Variants in GALNT6 observed in about 807,000 individuals in gnomAD.
GALNT6 encodes the protein polypeptide N-acetylgalactosaminyltransferase 6.
GALNT6 carries 51 observed loss-of-function variants against 65.9 expected under a neutral mutation model. The ratio of observed to expected loss-of-function variants is 0.77; its 90% CI spans 0.62 to 0.98. The LOEUF (loss-of-function observed/expected upper bound fraction) is 0.98, where lower values mean the gene tolerates loss of function less well. GALNT6 is among the 50% of genes least tolerant of loss of function. The pLI, the probability that GALNT6 is intolerant of heterozygous loss-of-function variation, is 0.00. For missense variants in GALNT6, 708 were observed against 803.3 expected (o/e 0.88, Z 1.43); for synonymous variants, 323 against 315.1 (o/e 1.02, Z -0.26).
chr12:51,359,436 G>T, intron 7 of GALNT6, 104 bp from the exon 8 acceptor site: 1 of 757,142 alleles, frequency 1.3e-6, no homozygotes, highest in Admixed American at 2.5e-5. Context: ...CCAGGTCCAA[G>T]GACTTGGGCA....
At position 51,360,818 on chromosome 12, in the gene GALNT6, C is replaced by A; in HGVS notation, c.1070G>T (p.Gly357Val). ...YPIKSPTFAG[G>V]LFSISKSYFE... ...GTAGGACTTGGAGATGGAGAAGAGG[C>A]CACCAGCAAACGTCGGGGATCTGGA... Residue 357 changes from glycine (G) to valine (V), a missense_variant, in exon 7 of 12, where the codon GGC (glycine) becomes GTC (valine). Coordinates refer to ENST00000356317, the MANE Select transcript of GALNT6 (RefSeq NM_007210.4). The A allele has an allele frequency of 6.2e-7, 1 of 1,612,410 alleles. No homozygotes were observed. The highest frequency in any genetic ancestry group is 8.5e-7 in the Non-Finnish European group (1 of 1,178,518).
intron 8 of GALNT6, 52 bp downstream of exon 8, chr12:51,359,080 G>C (rs1946837638): frequency 7.1e-7 from 1 of 1,414,906 alleles, no homozygotes; most frequent in Non-Finnish European, 1.0e-6. Context: ...AACAGGGTCT[G>C]GGGGCCGTAC....
Position 51,352,028 on chromosome 12 carries a change from C to G in GALNT6, c.*2351G>C, listed in dbSNP as rs1946624353. 6.6e-6 allele frequency: 1 copy of G among 152,284 alleles called. No homozygotes were observed. The highest frequency in any genetic ancestry group is 2.4e-5 in the African/African-American group (1 of 41,460). The allele number at this position is 152,284 out of a possible 1,614,324, so 9.4% of individuals were successfully genotyped here. On this transcript the variant is annotated 3_prime_UTR_variant, in exon 12 of 12. Coordinates refer to ENST00000356317, the MANE Select transcript of GALNT6 (RefSeq NM_007210.4). ...TCTCCTCTGTAGGCTCCAGAAGGCT[C>G]TCAGGGATGTAGGCGGCCTCCCGCA...
At chr12:51,374,541 T>C (rs925924896) in intron 4 of GALNT6, among the ~76,000 whole-genome samples, 1 of 152,074 alleles carries the variant, frequency 6.6e-6, no homozygotes, top group Non-Finnish European at 1.5e-5. Flanking sequence ...GGAGGGAGGC[T>C]GGGGGAGGAC....
chr12:51,391,062 C>T (rs536376262), intron 1 of GALNT6, 125 bp from the exon 2 acceptor site: 39 of 152,588 alleles, frequency 2.6e-4, no homozygotes, highest in African/African-American at 9.1e-4. Context: ...GGAATTCAAC[C>T]AAGCAGGGCT....
chr12:51,374,494 T>C (rs992843102), intron 4 of GALNT6, among the ~76,000 whole-genome samples: 10 of 152,280 alleles, frequency 6.6e-5, no homozygotes, highest in Admixed American at 5.2e-4. Context: ...TCCACAGCCC[T>C]AGTCCTCTTT....
intron 2 of GALNT6, among the ~76,000 whole-genome samples, chr12:51,381,340 G>A (rs1038217113): frequency 2.0e-5 from 3 of 152,208 alleles, no homozygotes; most frequent in Non-Finnish European, 4.4e-5. Flanking sequence ...CGGCAGGGCT[G>A]GGCATGGGCG....
chr12:51,364,021 T>C, intron 6 of GALNT6, 100 bp downstream of exon 6: 1 of 807,594 alleles, frequency 1.2e-6, no homozygotes, highest in Non-Finnish European at 2.2e-6. Flanking sequence ...GTCAAGTGCT[T>C]GATAGAGCAC....
intron 2 of GALNT6, among the ~76,000 whole-genome samples, chr12:51,384,249 G>A (rs1269683599): frequency 2.6e-5 from 4 of 152,160 alleles, no homozygotes; most frequent in East Asian, 3.8e-4. Context: ...TGGCCCCACC[G>A]GCCAGAACAC....
At chr12:51,368,234 A>G (rs900949392) in intron 4 of GALNT6, among the ~76,000 whole-genome samples, 3 of 101,588 alleles carry the variant, frequency 3.0e-5, no homozygotes, top group Non-Finnish European at 6.8e-5. Flanking sequence ...GCAGTCACCC[A>G]AGGCCTTGCC....
In GALNT6 at chr12:51,354,088, T is replaced by C. The variant is rs1946678692; in HGVS notation, c.*291A>G. On this transcript the variant is annotated 3_prime_UTR_variant, in exon 12 of 12. Transcript: ENST00000356317. ...TGAAGTACTTTTCTTGAACTCAGCA[T>C]TGCTGCCCTGAACCCTCCCCCAGCT... 3.2e-6 allele frequency: 1 copy of C among 310,566 alleles called. No individual in the cohort carries two copies. Among genetic ancestry groups the C allele is most frequent in the Non-Finnish European group, 5.8e-6 (1 of 171,794 alleles). The allele number at this position is 310,566 out of a possible 1,614,324, so 19.2% of individuals were successfully genotyped here.
chr12:51,379,171 G>A (rs987139119), intron 3 of GALNT6, 120 bp downstream of exon 3: 24 of 986,770 alleles, frequency 2.4e-5, no homozygotes, highest in Admixed American at 9.0e-5. Context: ...GGAGATCCTT[G>A]CCCATATTAT....
intron 6 of GALNT6, among the ~76,000 whole-genome samples, chr12:51,362,827 T>C (rs1220152352): frequency 6.6e-6 from 1 of 151,804 alleles, no homozygotes; most frequent in East Asian, 1.9e-4. Context: ...TTCACCTGAG[T>C]TCCTTTCTAC....
intron 2 of GALNT6, among the ~76,000 whole-genome samples, chr12:51,384,649 A>G (rs537263158): frequency 7.3e-6 from 1 of 136,670 alleles, no homozygotes; most frequent in Non-Finnish European, 1.5e-5. Flanking sequence ...CAGAAATAGC[A>G]CCACCGTACT....
Position 51,375,766 on chromosome 12 carries a change from C to T in GALNT6, c.664+1429G>A, listed in dbSNP as rs569479329. ...AGATACGGGGTTTCACCATATTGGC[C>T]GGGCTGTCTCGAACTCCTGACCTTA... On this transcript the variant is annotated intron_variant, in intron 4 of 11. Coordinates refer to ENST00000356317, the MANE Select transcript of GALNT6 (RefSeq NM_007210.4). Among the ~76,000 whole-genome samples, 46 of 152,052 alleles carry T rather than the reference C, an allele frequency of 3.0e-4. 1 individual carries two copies. The highest frequency in any genetic ancestry group is 1.9e-3 in the East Asian group (10 of 5,166).
chr12:51,351,285 A>G lies in GALNT6; in HGVS notation c.*3094T>C, dbSNP rs1946612229. On this transcript the variant is annotated 3_prime_UTR_variant, in exon 12 of 12. Coordinates refer to ENST00000356317, the MANE Select transcript of GALNT6 (RefSeq NM_007210.4). ...CATTCATCTTTATACCAACATAGTC[A>G]TAACATTAATTTTTTTTTGAATGGA... The G allele has an allele frequency of 6.6e-6, 1 of 152,236 alleles. No homozygotes were observed. The highest frequency in any genetic ancestry group is 6.5e-5 in the Admixed American group (1 of 15,280). 9.4% of individuals were successfully genotyped at this position (152,236 alleles called of 1,614,324 possible).
At position 51,352,195 on chromosome 12, in the gene GALNT6, G is replaced by A. The variant is rs1318118158; in HGVS notation, c.*2184C>T. 6.6e-6 allele frequency: 1 copy of A among 152,224 alleles called. No homozygotes were observed. Among genetic ancestry groups the A allele is most frequent in the African/African-American group, 2.4e-5 (1 of 41,454 alleles). 9.4% of individuals were successfully genotyped at this position (152,224 alleles called of 1,614,324 possible). A position where few individuals can be genotyped will look rare whatever the true frequency, so the allele number is the denominator to read the frequency against. On this transcript the variant is annotated 3_prime_UTR_variant, in exon 12 of 12. Coordinates refer to ENST00000356317, the MANE Select transcript of GALNT6 (RefSeq NM_007210.4). Reference sequence around the variant, plus strand: ...CAGCCATGCTCTTCTTCCAGCAAAAGAGCCATGTGCAGTCGGGTCTGCTCC... The same window carrying A: ...CAGCCATGCTCTTCTTCCAGCAAAAAAGCCATGTGCAGTCGGGTCTGCTCC...
rs1027341962 is a variant in GALNT6, at chr12:51,371,335, G to A, written c.665-5756C>T. The stretch of plus-strand genomic sequence containing the variant: ...CTGACCTCAAGGGTTCTCTTGCCTC[G>A]GCCTCTCAAAGTGCTGGAATTAACA... On this transcript the variant is annotated intron_variant, in intron 4 of 11. Transcript: ENST00000356317. Among the ~76,000 whole-genome samples, 4 of 151,900 alleles carry A rather than the reference G, an allele frequency of 2.6e-5. No homozygotes were observed. The East Asian group carries it at 5.8e-4, about 22-fold the overall frequency.
At position 51,357,392 on chromosome 12, in the gene GALNT6, T is replaced by A. The variant is rs938274395; in HGVS notation, c.1559A>T (p.Lys520Met). 1 of 1,613,928 alleles carries A rather than the reference T, an allele frequency of 6.2e-7. No individual in the cohort carries two copies. The highest frequency in any genetic ancestry group is 8.5e-7 in the Non-Finnish European group (1 of 1,179,860). Residue 520 changes from lysine to methionine, a missense_variant, in exon 10 of 12, where the codon AAG (lysine) becomes ATG (methionine). Physicochemically the swap from Lys to Met is moderately conservative, Grantham distance 95. Transcript: ENST00000356317. ...LDVGENNRGG[K>M]PLIMYSCHGL... ...GTGGCAGGAGTACATGATGAGGGGC[T>A]TCCCCCCGCGGTTGTTCTCACCCAC...
Sources: gnomAD v4.1 joint callset for allele counts (sites outside exome capture counted in the v4.1 genomes callset) on GRCh38, gnomAD v4.1.1 for gene constraint, MANE v1.5 for transcripts, NCBI Gene and HGNC (gene_info 2026-07-23, HGNC 2026-07-21) for gene names.